Variants in CCDC194 observed in about 807,000 individuals in gnomAD.
The protein encoded by CCDC194 is coiled-coil domain containing 194, also known as coiled-coil domain-containing protein 194.
CCDC194 carries 8 observed loss-of-function variants against 4.9 expected under a neutral mutation model. The ratio of observed to expected loss-of-function variants is 1.65; its 90% CI spans 0.97 to 2.97. CCDC194 has a LOEUF of 2.97. Among genes scored for constraint, CCDC194 ranks in the 30% most tolerant of loss-of-function variants. CCDC194 has a pLI of 0.00. For missense variants in CCDC194, 52 were observed against 43.1 expected (o/e 1.21, Z -0.58); for synonymous variants, 13 against 17.0 (o/e 0.76, Z 0.58).
At chr19:17,393,608 C>T (rs1229448955) in intron 1 of CCDC194, among the ~76,000 whole-genome samples, 4 of 151,998 alleles carry the variant, frequency 2.6e-5, no homozygotes, top group Admixed American at 2.0e-4. Context: ...AGGCTGGTCT[C>T]GAACTCCTGA....
At chr19:17,393,417 C>T (rs2074662390) in intron 1 of CCDC194, among the ~76,000 whole-genome samples, 1 of 136,876 alleles carries the variant, frequency 7.3e-6, no homozygotes, top group African/African-American at 2.9e-5. Context: ...CAGATGGAGT[C>T]TCGCTGTGTC....
chr19:17,393,878 C>G, exon 1 of CCDC194: 1 of 397,774 alleles, frequency 2.5e-6, no homozygotes, highest in Non-Finnish European at 4.4e-6. Flanking sequence ...CAACTCGTGC[C>G]GGATACTTTC....
At chr19:17,387,510 C>T (rs989199253), downstream of CCDC194, among the ~76,000 whole-genome samples, 1 of 152,028 alleles carries the variant, frequency 6.6e-6, no homozygotes, top group African/African-American at 2.4e-5. Context: ...CCGAGGTTAG[C>T]AATTCGAGAC....
At chr19:17,391,947 G>T in intron 1 of CCDC194, 101 bp from the exon 2 acceptor site, 1 of 1,117,366 alleles carries the variant, frequency 8.9e-7, no homozygotes, top group Non-Finnish European at 1.2e-6. Context: ...CTGCGACCCT[G>T]TGTCCTGAGC....
chr19:17,387,449 G>A (rs576117448), downstream of CCDC194, among the ~76,000 whole-genome samples: 146 of 152,138 alleles, frequency 9.6e-4, no homozygotes, highest in Non-Finnish European at 1.6e-3. Flanking sequence ...CGGGCACAGC[G>A]GCTCAGGCCT....
intron 1 of CCDC194, chr19:17,392,278 G>T (rs1214170037): frequency 6.5e-6 from 1 of 152,716 alleles, no homozygotes; most frequent in Non-Finnish European, 1.4e-5. Flanking sequence ...TTCGAGACTA[G>T]CCTGGCCAAC....
At chr19:17,393,101 A>AT (rs1176386055) in intron 1 of CCDC194, among the ~76,000 whole-genome samples, 1 of 152,132 alleles carries the variant, frequency 6.6e-6, no homozygotes, top group African/African-American at 2.4e-5. Flanking sequence ...AATGGCTGGG[A>AT]TTTTAAGGAC....
exon 3 of CCDC194, chr19:17,391,276 G>C: frequency 2.4e-6 from 1 of 410,302 alleles, no homozygotes. Flanking sequence ...CCACGCCTGC[G>C]CGCCGCAGAG....
At chr19:17,394,009 C>T (rs2074665001) in exon 1 of CCDC194, 1 of 391,024 alleles carries the variant, frequency 2.6e-6, no homozygotes, top group Admixed American at 4.5e-5. Flanking sequence ...TGGCCCCTGG[C>T]TCCGGGCAGC....
At chr19:17,393,777 C>A in intron 1 of CCDC194, 58 bp downstream of exon 1, 1 of 393,040 alleles carries the variant, frequency 2.5e-6, no homozygotes, top group African/African-American at 2.1e-5. Context: ...TGTGGGCAGG[C>A]CGTCTCTTAT....
Position 17,391,739 on chromosome 19 carries a change from C to A in CCDC194, c.421+11G>T. The A allele has an allele frequency of 6.5e-7, 1 of 1,535,764 alleles. No homozygotes were observed. The highest frequency in any genetic ancestry group is 1.2e-5 in the South Asian group (1 of 84,062). On this transcript the variant is annotated intron_variant, in intron 2 of 3. Coordinates refer to ENST00000636079, the Ensembl canonical transcript of CCDC194. Reference sequence around the variant, plus strand: ...TTCTATCCCTGCCCACTCCCTTACACCCCAACGCACCTGTCAGCGCCCCGT... The same window carrying A: ...TTCTATCCCTGCCCACTCCCTTACAACCCAACGCACCTGTCAGCGCCCCGT...
chr19:17,389,034 C>G (rs1329754631), downstream of CCDC194, among the ~76,000 whole-genome samples: 2 of 151,748 alleles, frequency 1.3e-5, no homozygotes, highest in Non-Finnish European at 2.9e-5. Flanking sequence ...GAGACAGGTT[C>G]TTGCTATGGT....
At position 17,391,438 on chromosome 19, in the gene CCDC194, C is replaced by A. The variant is rs188585236; in HGVS notation, c.422-95G>T. Reference sequence around the variant, plus strand: ...AAGTTGATAGTCTGCATGCCGTTTGCACGCTTTCCTTTATTTGAATTAAAT... The same window carrying A: ...AAGTTGATAGTCTGCATGCCGTTTGAACGCTTTCCTTTATTTGAATTAAAT... On this transcript the variant is annotated intron_variant, in intron 2 of 3. Coordinates refer to ENST00000636079, the Ensembl canonical transcript of CCDC194. The A allele has an allele frequency of 1.4e-3, 749 of 528,898 alleles. 5 individuals are homozygous for A. Among genetic ancestry groups the A allele is most frequent in the African/African-American group, 0.014 (686 of 49,318 alleles). The allele number at this position is 528,898 out of a possible 1,614,324, so 32.8% of individuals were successfully genotyped here.
chr19:17,388,193 C>CTTT (rs71162117), downstream of CCDC194, among the ~76,000 whole-genome samples: 659 of 92,066 alleles, frequency 7.2e-3, 47 homozygotes, highest in African/African-American at 0.027. Context: ...TCTTTTTTTC[C>CTTT]TTTTTTTTTT....
intron 1 of CCDC194, among the ~76,000 whole-genome samples, chr19:17,392,454 A>G (rs1308940206): frequency 6.6e-6 from 1 of 152,128 alleles, no homozygotes; most frequent in Non-Finnish European, 1.5e-5. Context: ...GCCTGGACAA[A>G]AGAGCATGAC....
At chr19:17,390,296 T>C (rs560852612), downstream of CCDC194, among the ~76,000 whole-genome samples, 5 of 152,154 alleles carry the variant, frequency 3.3e-5, no homozygotes, top group Non-Finnish European at 5.9e-5. This position sits in a 1 kb window ranked among gnomAD's most constrained non-coding sequence, Gnocchi z 5.5. Context: ...CATGATCACT[T>C]GGGCCTCAGT....
chr19:17,390,456 C>G (rs1451475612), downstream of CCDC194: 1 of 390,328 alleles, frequency 2.6e-6, no homozygotes, highest in Non-Finnish European at 4.5e-6. The surrounding 1 kb of genome is among the most constrained non-coding windows in gnomAD (Gnocchi z 5.5). Context: ...CCCGCAGACC[C>G]CCCCCCCATA....
chr19:17,387,873 G>A (rs1294149540), downstream of CCDC194, among the ~76,000 whole-genome samples: 1 of 151,910 alleles, frequency 6.6e-6, no homozygotes, highest in East Asian at 1.9e-4. Context: ...TTCTTTTTCT[G>A]TCTTTCTTTT....
chr19:17,391,108 A>T, intron 3 of CCDC194, 103 bp downstream of exon 3: 3 of 275,182 alleles, frequency 1.1e-5, no homozygotes. Context: ...CCACAATTCC[A>T]CGCCCAAAGT....
Sources: gnomAD v4.1 joint callset for allele counts (sites outside exome capture counted in the v4.1 genomes callset) on GRCh38, gnomAD v4.1.1 for gene constraint, Gnocchi (gnomAD v3.1) non-coding constraint, MANE v1.5 for transcripts, NCBI Gene and HGNC (gene_info 2026-07-23, HGNC 2026-07-21) for gene names.